Variants in LDLRAD4 observed in about 807,000 individuals in gnomAD.
LDLRAD4 encodes low density lipoprotein receptor class A domain containing 4.
LDLRAD4 carries 5 observed loss-of-function variants against 17.0 expected under a neutral mutation model. The observed-to-expected ratio is 0.29, with a 90% CI of 0.15 to 0.62. The LOEUF is 0.62. Ranked by LOEUF, LDLRAD4 falls within the 20% of genes least tolerant of loss-of-function variation. The pLI, the probability that LDLRAD4 is intolerant of heterozygous loss-of-function variation, is 0.84. For missense variants in LDLRAD4, 340 were observed against 424.7 expected, an observed-to-expected ratio of 0.80 and a Z score of 1.75; for synonymous variants, 168 against 171.8, an observed-to-expected ratio of 0.98 and a Z score of 0.17.
intron 3 of LDLRAD4, among the ~76,000 whole-genome samples, chr18:13,544,315 A>G (rs2094328562): frequency 6.6e-6 from 1 of 152,198 alleles, no homozygotes; most frequent in Non-Finnish European, 1.5e-5. Flanking sequence ...GATTATGTTA[A>G]TAGGATAAAC....
At chr18:13,642,275 C>T (rs2148982103) in intron 4 of LDLRAD4, 1 of 988,382 alleles carries the variant, frequency 1.0e-6, no homozygotes, top group Middle Eastern at 5.2e-4. Flanking sequence ...CCAGCCCGCC[C>T]GTTTCCGAGA....
At chr18:13,609,078 C>A (rs2095251934) in intron 3 of LDLRAD4, among the ~76,000 whole-genome samples, 1 of 152,126 alleles carries the variant, frequency 6.6e-6, no homozygotes, top group Non-Finnish European at 1.5e-5. Flanking sequence ...GTGAAAGATG[C>A]GATGTAAAGA....
intron 3 of LDLRAD4, among the ~76,000 whole-genome samples, chr18:13,494,678 A>AAAATATTATATTT (rs2093426577): frequency 8.3e-4 from 8 of 9,660 alleles, no homozygotes; most frequent in Non-Finnish European, 2.3e-3. Context: ...TTAATAATAT[A>AAAATATTATATTT]ATATATTATT....
chr18:13,376,840 G>A (rs1015866345), intron 1 of LDLRAD4, among the ~76,000 whole-genome samples: 1 of 152,176 alleles, frequency 6.6e-6, no homozygotes, highest in African/African-American at 2.4e-5. Context: ...GCACACGCAC[G>A]GGCCTTCGTT....
chr18:13,328,541 T>A (rs1328001173), intron 1 of LDLRAD4, among the ~76,000 whole-genome samples: 1 of 152,220 alleles, frequency 6.6e-6, no homozygotes, highest in Non-Finnish European at 1.5e-5. Flanking sequence ...AATGCCCTCC[T>A]TTCCAAATGC....
chr18:13,235,891 T>C (rs1224234868), intron 1 of LDLRAD4, among the ~76,000 whole-genome samples: 1 of 152,188 alleles, frequency 6.6e-6, no homozygotes, highest in African/African-American at 2.4e-5. Flanking sequence ...CACCAGGACA[T>C]TAAAAATAGA....
At chr18:13,495,863 C>G (rs765684389) in intron 3 of LDLRAD4, among the ~76,000 whole-genome samples, 1 of 152,188 alleles carries the variant, frequency 6.6e-6, no homozygotes, top group African/African-American at 2.4e-5. Context: ...TCAGAGAGCG[C>G]GAAGACCTCC....
At chr18:13,411,849 T>G (rs1202913270) in intron 2 of LDLRAD4, among the ~76,000 whole-genome samples, 1 of 152,158 alleles carries the variant, frequency 6.6e-6, no homozygotes, top group Non-Finnish European at 1.5e-5. Flanking sequence ...CCAAGTTCTT[T>G]TTTGTTTCTT....
At chr18:13,515,204 C>T (rs1601006192) in intron 3 of LDLRAD4, 1 of 152,194 alleles carries the variant, frequency 6.6e-6, no homozygotes, top group Non-Finnish European at 1.5e-5. Flanking sequence ...ACAACACTGG[C>T]GTGCATTCTT....
chr18:13,452,323 G>A (rs1184097974), intron 3 of LDLRAD4, among the ~76,000 whole-genome samples: 1 of 152,156 alleles, frequency 6.6e-6, no homozygotes, highest in East Asian at 1.9e-4. Flanking sequence ...CACCCTCCTT[G>A]CAGCGCTTGG....
At chr18:13,359,388 A>G (rs2144605206) in intron 1 of LDLRAD4, among the ~76,000 whole-genome samples, 1 of 152,282 alleles carries the variant, frequency 6.6e-6, no homozygotes, top group Non-Finnish European at 1.5e-5. Context: ...GGTGCAAGGT[A>G]CAGGGAAGTG....
At chr18:13,582,008 CCA>C (rs755092820) in intron 3 of LDLRAD4, among the ~76,000 whole-genome samples, 38 of 152,138 alleles carry the variant, frequency 2.5e-4, no homozygotes, top group Non-Finnish European at 5.1e-4. Flanking sequence ...GTGATTTATT[CCA>C]CACTGAGGGG....
At chr18:13,553,529 C>G (rs371820116) in intron 3 of LDLRAD4, among the ~76,000 whole-genome samples, 2 of 152,270 alleles carry the variant, frequency 1.3e-5, no homozygotes, top group African/African-American at 4.8e-5. Context: ...TAATTATTTG[C>G]GTGATTTGAA....
chr18:13,544,484 G>A (rs1268257616), intron 3 of LDLRAD4, among the ~76,000 whole-genome samples: 1 of 152,236 alleles, frequency 6.6e-6, no homozygotes, highest in Non-Finnish European at 1.5e-5. Context: ...GTTTTCAGGA[G>A]ACAGAAAATT....
At chr18:13,560,592 T>C (rs1021337950) in intron 3 of LDLRAD4, among the ~76,000 whole-genome samples, 24 of 152,244 alleles carry the variant, frequency 1.6e-4, no homozygotes, top group African/African-American at 5.8e-4. Flanking sequence ...GGCAAGATTT[T>C]GGAGACAGAT....
chr18:13,517,097 C>G (rs180861694), intron 3 of LDLRAD4, among the ~76,000 whole-genome samples: 2 of 152,228 alleles, frequency 1.3e-5, no homozygotes, highest in African/African-American at 4.8e-5. Context: ...GCGATCCTCC[C>G]GCCTTGGCCT....
chr18:13,557,954 C>G (rs1280731792), intron 3 of LDLRAD4, among the ~76,000 whole-genome samples: 1 of 152,102 alleles, frequency 6.6e-6, no homozygotes, highest in East Asian at 1.9e-4. Flanking sequence ...GGAACAAAAT[C>G]TAATCATTTT....
chr18:13,253,887 C>G (rs2043359335), intron 1 of LDLRAD4, among the ~76,000 whole-genome samples: 1 of 152,340 alleles, frequency 6.6e-6, no homozygotes, highest in East Asian at 1.9e-4. Flanking sequence ...CCTCCCTCGC[C>G]TGCTCACCTG....
intron 1 of LDLRAD4, among the ~76,000 whole-genome samples, chr18:13,243,002 GCTC>G (rs1485254433): frequency 2.0e-4 from 31 of 152,324 alleles, no homozygotes; most frequent in African/African-American, 7.2e-4. Context: ...CCTGGCGCCT[GCTC>G]TGCCCCTGTG....
Sources: gnomAD v4.1 joint callset for allele counts (sites outside exome capture counted in the v4.1 genomes callset) on GRCh38, gnomAD v4.1.1 for gene constraint, MANE v1.5 for transcripts, NCBI Gene and HGNC (gene_info 2026-07-23, HGNC 2026-07-21) for gene names.